Variants in ATRNL1 observed in about 807,000 individuals in gnomAD.
ATRNL1 encodes attractin-like protein 1.
In ATRNL1, 95 loss-of-function variants were observed where a neutral mutation model predicts 182.7. The ratio of observed to expected loss-of-function variants is 0.52; its 90% CI spans 0.44 to 0.62. The LOEUF (loss-of-function observed/expected upper bound fraction) is 0.62, where lower values mean the gene tolerates loss of function less well. ATRNL1 is among the 20% of genes least tolerant of loss of function. The pLI is 0.00. For missense variants in ATRNL1, 1,471 were observed against 1,679.5 expected (o/e 0.88, Z 2.17); for synonymous variants, 576 against 568.3 (o/e 1.01, Z -0.19).
intron 20 of ATRNL1, among the ~76,000 whole-genome samples, chr10:115,405,605 A>G (rs971710081): frequency 2.0e-5 from 3 of 152,180 alleles, no homozygotes; most frequent in Non-Finnish European, 1.5e-5. Flanking sequence ...AAGTTGCTGC[A>G]TTCAGATAGC....
intron 1 of ATRNL1, among the ~76,000 whole-genome samples, chr10:115,102,828 A>C (rs1172805448): frequency 2.0e-5 from 3 of 152,122 alleles, no homozygotes; most frequent in African/African-American, 7.2e-5. Context: ...TACATTTTAG[A>C]ACTGTTTGTC....
At chr10:115,515,316 T>TC (rs1850581997) in intron 24 of ATRNL1, among the ~76,000 whole-genome samples, 1 of 113,712 alleles carries the variant, frequency 8.8e-6, no homozygotes, top group Non-Finnish European at 2.2e-5. Flanking sequence ...AGAATAGTTG[T>TC]TCTTTTTTTT....
intron 23 of ATRNL1, among the ~76,000 whole-genome samples, chr10:115,468,124 C>T (rs1848140790): frequency 6.6e-6 from 1 of 150,568 alleles, no homozygotes; most frequent in Non-Finnish European, 1.5e-5. Context: ...GGCAAATAGG[C>T]ATTTTGTTAC....
chr10:115,399,708 C>T (rs1844468150), intron 20 of ATRNL1, among the ~76,000 whole-genome samples: 1 of 151,836 alleles, frequency 6.6e-6, no homozygotes, highest in South Asian at 2.1e-4. Context: ...TTGTCTTCTG[C>T]TAGCTCTGGG....
chr10:115,766,637 G>A (rs949819497), intron 27 of ATRNL1, among the ~76,000 whole-genome samples: 1 of 152,172 alleles, frequency 6.6e-6, no homozygotes, highest in African/African-American at 2.4e-5. Flanking sequence ...TAATGATGAA[G>A]GTAAGTTTGG....
intron 5 of ATRNL1, among the ~76,000 whole-genome samples, chr10:115,151,901 G>C (rs1482676463): frequency 6.6e-6 from 1 of 152,160 alleles, no homozygotes; most frequent in Non-Finnish European, 1.5e-5. Context: ...TAAGGTGTAA[G>C]GAAGGGATCC....
chr10:115,564,009 G>A (rs1038838281), intron 26 of ATRNL1, among the ~76,000 whole-genome samples: 15 of 152,034 alleles, frequency 9.9e-5, no homozygotes, highest in Admixed American at 5.2e-4. Context: ...TGGAAATCAT[G>A]CTGAACTGGT....
At chr10:115,206,816 C>T (rs1488163594) in intron 8 of ATRNL1, among the ~76,000 whole-genome samples, 26 of 152,136 alleles carry the variant, frequency 1.7e-4, no homozygotes. Context: ...AGGTATTTCT[C>T]CTAATGATAT....
chr10:115,917,803 C>T (rs1555117754), intron 28 of ATRNL1, among the ~76,000 whole-genome samples: 1 of 152,106 alleles, frequency 6.6e-6, no homozygotes, highest in East Asian at 1.9e-4. Flanking sequence ...GTATTTCAGG[C>T]CGGCTCAGCA....
chr10:115,198,382 T>C (rs1300162093), intron 8 of ATRNL1, among the ~76,000 whole-genome samples: 1 of 152,174 alleles, frequency 6.6e-6, no homozygotes, highest in Non-Finnish European at 1.5e-5. Flanking sequence ...GCTGTTAAGT[T>C]CTTTGAGTTC....
chr10:115,704,438 C>CTG (rs1464399233), intron 26 of ATRNL1, among the ~76,000 whole-genome samples: 2 of 151,930 alleles, frequency 1.3e-5, no homozygotes, highest in East Asian at 3.8e-4. Context: ...AGGCCCCACT[C>CTG]TGACATACGA....
Position 115,947,135 on chromosome 10 carries a change from G to A in ATRNL1, c.*2356G>A, listed in dbSNP as rs1343825543. On this transcript the variant is annotated 3_prime_UTR_variant, in exon 29 of 29. Transcript: ENST00000355044. ...TCTCAACGTATCAAAGCTTTTCACT[G>A]GCAGTAAATTCTTTGCCCTCAGGTG... 1.3e-5 allele frequency: 2 copies of A among 152,564 alleles called. No individual in the cohort carries two copies. Among genetic ancestry groups the A allele is most frequent in the Non-Finnish European group, 2.9e-5 (2 of 68,010 alleles). The allele number at this position is 152,564 out of a possible 1,614,324, so 9.5% of individuals were successfully genotyped here. A position where few individuals can be genotyped will look rare whatever the true frequency, so the allele number is the denominator to read the frequency against.
At chr10:115,498,780 A>G (rs1849675534) in intron 24 of ATRNL1, among the ~76,000 whole-genome samples, 1 of 151,944 alleles carries the variant, frequency 6.6e-6, no homozygotes, top group Non-Finnish European at 1.5e-5. Context: ...TACTCATTTA[A>G]TAGGAATATA....
intron 26 of ATRNL1, among the ~76,000 whole-genome samples, chr10:115,629,283 TAAACCA>T (rs1858328489): frequency 6.6e-6 from 1 of 152,206 alleles, no homozygotes; most frequent in Admixed American, 6.5e-5. Context: ...CCAACTTTAG[TAAACCA>T]ACAATTTAAG....
At chr10:115,526,968 G>A (rs1245357350) in intron 25 of ATRNL1, among the ~76,000 whole-genome samples, 1 of 151,978 alleles carries the variant, frequency 6.6e-6, no homozygotes, top group Non-Finnish European at 1.5e-5. Context: ...GAACAGGCCC[G>A]CCTTGGTATT....
At chr10:115,535,981 A>G (rs1018036472) in intron 25 of ATRNL1, among the ~76,000 whole-genome samples, 11 of 149,800 alleles carry the variant, frequency 7.3e-5, no homozygotes, top group African/African-American at 2.8e-4. Flanking sequence ...TTTGTCTCAG[A>G]GGATTACCTG....
At chr10:115,144,609 A>G (rs1013514688) in intron 5 of ATRNL1, among the ~76,000 whole-genome samples, 4 of 152,170 alleles carry the variant, frequency 2.6e-5, no homozygotes, top group Non-Finnish European at 5.9e-5. Context: ...AATTCTTAGC[A>G]TGAATATTTC....
intron 24 of ATRNL1, among the ~76,000 whole-genome samples, chr10:115,478,141 T>C (rs113489509): frequency 4.5e-4 from 69 of 151,866 alleles, no homozygotes; most frequent in African/African-American, 1.6e-3. Context: ...TGCCTACCTT[T>C]ATTAGTTTTT....
At chr10:115,219,049 A>G (rs1321406673) in intron 9 of ATRNL1, among the ~76,000 whole-genome samples, 6 of 152,106 alleles carry the variant, frequency 3.9e-5, no homozygotes, top group African/African-American at 1.4e-4. Flanking sequence ...AGCCTGGCCA[A>G]TATGGTGAAA....
Sources: gnomAD v4.1 joint callset for allele counts (sites outside exome capture counted in the v4.1 genomes callset) on GRCh38, gnomAD v4.1.1 for gene constraint, MANE v1.5 for transcripts, NCBI Gene and HGNC (gene_info 2026-07-23, HGNC 2026-07-21) for gene names.